CLYBL: variants seen among roughly 807,000 people sequenced by gnomAD.
CLYBL encodes citramalyl-CoA lyase.
In CLYBL, 31 loss-of-function variants were observed where a neutral mutation model predicts 38.9. The observed-to-expected ratio is 0.80, with a 90% CI of 0.60 to 1.08. The LOEUF is 1.08. Among genes scored for constraint, CLYBL ranks in the 50% least tolerant of loss-of-function variants. The pLI is 0.00. For synonymous variants in CLYBL, 171 were observed against 158.6 expected, an observed-to-expected ratio of 1.08 and a Z score of -0.59; for missense variants, 434 against 411.6, an observed-to-expected ratio of 1.05 and a Z score of -0.47.
At chr13:99,802,062 G>A (rs1178691272) in intron 2 of CLYBL, among the ~76,000 whole-genome samples, 1 of 152,076 alleles carries the variant, frequency 6.6e-6, no homozygotes, top group Non-Finnish European at 1.5e-5. Flanking sequence ...AATTTACCTA[G>A]AATCTTTTTT....
At chr13:99,871,109 T>C (rs2051882475) in intron 7 of CLYBL, 47 bp downstream of exon 7, 6 of 1,603,722 alleles carry the variant, frequency 3.7e-6, no homozygotes, top group Non-Finnish European at 5.1e-6. Context: ...TTGAAAATAT[T>C]GTCGGGAAGA....
chr13:99,881,819 TAAC>T (rs1032911350), intron 7 of CLYBL, among the ~76,000 whole-genome samples: 91 of 152,356 alleles, frequency 6.0e-4, no homozygotes, highest in African/African-American at 2.1e-3. Flanking sequence ...TCAATCCTCC[TAAC>T]AACTGCTTTA....
intron 1 of CLYBL, among the ~76,000 whole-genome samples, chr13:99,719,127 C>A (rs1429718346): frequency 6.7e-6 from 1 of 148,698 alleles, no homozygotes; most frequent in Admixed American, 6.7e-5. Flanking sequence ...GCTGGGATTA[C>A]AGGCATGAAC....
At chr13:99,833,028 ATATTTTTTTTTTTT>A (rs1306834058) in intron 2 of CLYBL, among the ~76,000 whole-genome samples, 49 of 36,076 alleles carry the variant, frequency 1.4e-3, no homozygotes, top group African/African-American at 5.4e-3. Flanking sequence ...ATATATATAT[ATATTTTTTTTTTTT>A]TTTTTTTTTT....
intron 1 of CLYBL, among the ~76,000 whole-genome samples, chr13:99,676,182 G>GTCCT (rs1306416707): frequency 1.9e-4 from 16 of 84,804 alleles, no homozygotes; most frequent in South Asian, 1.1e-3. Flanking sequence ...CCTTCCCTCC[G>GTCCT]TCCGTCCTTC....
At chr13:99,881,262 C>T (rs755921866) in intron 7 of CLYBL, among the ~76,000 whole-genome samples, 2 of 151,994 alleles carry the variant, frequency 1.3e-5, no homozygotes, top group Admixed American at 6.5e-5. Context: ...CATTAGCATC[C>T]GTAAATTATC....
intron 2 of CLYBL, among the ~76,000 whole-genome samples, chr13:99,838,372 G>A (rs1202408953): frequency 2.6e-5 from 4 of 152,196 alleles, no homozygotes; most frequent in African/African-American, 9.6e-5. Context: ...CTGATCAGAG[G>A]AGGGTTATAC....
chr13:99,772,032 A>G (rs927642972), intron 1 of CLYBL, among the ~76,000 whole-genome samples: 19 of 152,262 alleles, frequency 1.2e-4, no homozygotes, highest in African/African-American at 4.6e-4. Context: ...TGTCTTGTTA[A>G]AATTGGATGT....
rs1566340102 is a variant in CLYBL at position 99,819,438 on chromosome 13, ATATATATATATATATATATATATATAT to A, written c.250-39422_250-39396del. On this transcript the variant is annotated intron_variant, in intron 2 of 8. Coordinates refer to ENST00000339105, the MANE Select transcript of CLYBL (RefSeq NM_206808.5). ...AATTTATATATATATATATATATAT[ATATATATATATATATATATATATATAT>A]ATAATATTTGTCAGGGTTGTCTGGG... Among the ~76,000 whole-genome samples, 11 of 104,950 alleles carry A rather than the reference ATATATATATATATATATATATATATAT, an allele frequency of 1.0e-4. No homozygotes were observed. In the East Asian group the frequency reaches 2.6e-3, roughly 25 times the overall value. The allele number at this position is 104,950 out of a possible 152,430, so 68.9% of individuals were successfully genotyped here. A position where few individuals can be genotyped will look rare whatever the true frequency, so the allele number is the denominator to read the frequency against.
At chr13:99,731,038 G>A (rs1329521181) in intron 1 of CLYBL, among the ~76,000 whole-genome samples, 1 of 144,464 alleles carries the variant, frequency 6.9e-6, no homozygotes, top group East Asian at 2.0e-4. Flanking sequence ...AGCCGAGATC[G>A]TGCCACTGCG....
chr13:99,723,300 A>G (rs2048421282), intron 1 of CLYBL, among the ~76,000 whole-genome samples: 1 of 152,264 alleles, frequency 6.6e-6, no homozygotes, highest in Non-Finnish European at 1.5e-5. Context: ...GCTCAACGTT[A>G]GTGAAGTGTG....
At chr13:99,695,565 G>C (rs1452563144) in intron 1 of CLYBL, among the ~76,000 whole-genome samples, 1 of 152,030 alleles carries the variant, frequency 6.6e-6, no homozygotes, top group Non-Finnish European at 1.5e-5. Flanking sequence ...TGTCGCCCAG[G>C]CTGGAGTGCA....
chr13:99,692,289 T>TG (rs200243045), intron 1 of CLYBL, among the ~76,000 whole-genome samples: 88 of 133,548 alleles, frequency 6.6e-4, no homozygotes, highest in African/African-American at 2.1e-3. Context: ...TTTTTTTGTT[T>TG]TTTTTTTTTT....
At chr13:99,631,153 C>T (rs1171455917) in intron 1 of CLYBL, among the ~76,000 whole-genome samples, 1 of 152,140 alleles carries the variant, frequency 6.6e-6, no homozygotes, top group Non-Finnish European at 1.5e-5. Flanking sequence ...GAAATCCCGT[C>T]TCCACAAAAA....
chr13:99,730,764 G>A (rs1359146231), intron 1 of CLYBL, among the ~76,000 whole-genome samples: 2 of 152,078 alleles, frequency 1.3e-5, no homozygotes, highest in East Asian at 1.9e-4. Context: ...CACACGGAAC[G>A]GCCTCCCCAT....
chr13:99,702,229 C>T (rs1032772306), intron 1 of CLYBL, among the ~76,000 whole-genome samples: 5 of 152,160 alleles, frequency 3.3e-5, no homozygotes, highest in African/African-American at 9.7e-5. Flanking sequence ...CTGTTTTGGC[C>T]TCCCAAAATG....
chr13:99,852,561 A>G (rs1203471509), intron 2 of CLYBL, among the ~76,000 whole-genome samples: 3 of 152,252 alleles, frequency 2.0e-5, no homozygotes, highest in South Asian at 2.1e-4. Flanking sequence ...CACCAAAATG[A>G]TTTCCCACAA....
intron 1 of CLYBL, among the ~76,000 whole-genome samples, chr13:99,638,591 A>C (rs1344638463): frequency 1.3e-5 from 2 of 152,254 alleles, no homozygotes; most frequent in Non-Finnish European, 2.9e-5. Flanking sequence ...TAAAATCTGT[A>C]GCCACATACC....
intron 1 of CLYBL, among the ~76,000 whole-genome samples, chr13:99,718,819 T>A (rs1049913657): frequency 6.6e-6 from 1 of 152,062 alleles, no homozygotes; most frequent in African/African-American, 2.4e-5. Context: ...ATTAATTCAG[T>A]CACTCACTCA....
Sources: gnomAD v4.1 joint callset for allele counts (sites outside exome capture counted in the v4.1 genomes callset) on GRCh38, gnomAD v4.1.1 for gene constraint, MANE v1.5 for transcripts, NCBI Gene and HGNC (gene_info 2026-07-23, HGNC 2026-07-21) for gene names.